Variants in ADCK2 observed in about 807,000 individuals in gnomAD.
The protein encoded by ADCK2 is uncharacterized aarF domain-containing protein kinase 2.
ADCK2 carries 37 observed loss-of-function variants against 52.3 expected under a neutral mutation model. The ratio of observed to expected loss-of-function variants is 0.71; its 90% CI spans 0.54 to 0.93. ADCK2 has a LOEUF of 0.93. ADCK2 is among the 40% of genes least tolerant of loss of function. The pLI, the probability that ADCK2 is intolerant of heterozygous loss-of-function variation, is 0.00. For synonymous variants in ADCK2, 321 were observed against 349.2 expected (o/e 0.92, Z 0.90); for missense variants, 695 against 798.7 (o/e 0.87, Z 1.56).
Position 140,676,363 on chromosome 7 carries a change from T to C in ADCK2, c.1080+1606T>C, listed in dbSNP as rs552033386. On this transcript the variant is annotated intron_variant, in intron 2 of 7. Transcript: ENST00000072869. Reference sequence around the variant, plus strand: ...GGCTTAGCATTTCAACAAAGGAATTTTGGGGGGACACAAACATTCATAGCT... The same window carrying C: ...GGCTTAGCATTTCAACAAAGGAATTCTGGGGGGACACAAACATTCATAGCT... 8.5e-5 allele frequency among the ~76,000 whole-genome samples: 13 copies of C among 152,308 alleles called. No individual in the cohort carries two copies. The South Asian group carries it at 2.5e-3, about 29-fold the overall frequency.
chr7:140,679,461 A>G (rs2968555), intron 3 of ADCK2, among the ~76,000 whole-genome samples, 178 bp downstream of exon 3: 40,484 of 151,756 alleles, frequency 0.27, 7,588 homozygotes, highest in African/African-American at 0.54. Flanking sequence ...GTAGCTGAGA[A>G]CACTGGGTGT....
intron 6 of ADCK2, among the ~76,000 whole-genome samples, chr7:140,690,405 G>A (rs996612635): frequency 6.6e-6 from 1 of 151,840 alleles, no homozygotes; most frequent in Non-Finnish European, 1.5e-5. Flanking sequence ...GTTTCACCAT[G>A]TTGGCCAGGC....
chr7:140,673,706 G>C lies in ADCK2; in HGVS notation c.376G>C (p.Val126Leu). Residue 126 changes from valine to leucine, a missense_variant, in exon 1 of 8, where the codon GTC becomes CTC. Val to Leu is a conservative substitution (Grantham distance 32). Coordinates refer to ENST00000072869, the MANE Select transcript of ADCK2 (RefSeq NM_052853.4). The surrounding 1 kb of genome is among the most constrained non-coding windows in gnomAD (Gnocchi z 6.4). ...CCCCCTCACCTACCTGGCTCCCAGC[G>C]TCTCCACCCTCTGGCTCCACCTGCT... ...LYPLTYLAPS[V>L]STLWLHLLLK... 1 of 1,611,140 alleles carries C rather than the reference G, an allele frequency of 6.2e-7. No homozygotes were observed. Among genetic ancestry groups the C allele is most frequent in the Non-Finnish European group, 8.5e-7 (1 of 1,179,520 alleles).
chr7:140,685,645 C>T (rs972077223), intron 4 of ADCK2, among the ~76,000 whole-genome samples: 2 of 152,052 alleles, frequency 1.3e-5, no homozygotes, highest in African/African-American at 4.8e-5. Flanking sequence ...TGGACTAGGA[C>T]AGTCCCTTCA....
In ADCK2 at chr7:140,693,114, GTATAA is replaced by G. The variant is rs537504772; in HGVS notation, c.1741-1544_1741-1540del. Among the ~76,000 whole-genome samples, 1 of 152,168 alleles carries G rather than the reference GTATAA, an allele frequency of 6.6e-6. No individual in the cohort carries two copies. The highest frequency in any genetic ancestry group is 2.4e-5 in the African/African-American group (1 of 41,442). Reference sequence around the variant, plus strand: ...CTTTTCATATGCCAATTGGCCATTTGTATAATATATCTTCCTTAGAAGAAATATCT... The same window carrying G: ...CTTTTCATATGCCAATTGGCCATTTGTATATCTTCCTTAGAAGAAATATCT... On this transcript the variant is annotated intron_variant, in intron 7 of 7. Coordinates refer to ENST00000072869, the MANE Select transcript of ADCK2 (RefSeq NM_052853.4). The surrounding 1 kb of genome is among the most constrained non-coding windows in gnomAD (Gnocchi z 4.0).
chr7:140,673,823 G>A lies in ADCK2; in HGVS notation c.493G>A (p.Ala165Thr). ...CGATCTGTTTTCGGAGGCTTTCTGT[G>A]CCCAATTTTCCAAGCTGCATGTCCG... is the stretch of plus-strand genomic sequence containing the variant. ...RRDLFSEAFCAQFSKLHVRVT... is the reference protein window; with the variant it reads ...RRDLFSEAFCTQFSKLHVRVT... Residue 165 changes from alanine (A) to threonine (T), a missense_variant, in exon 1 of 8, where the codon GCC (alanine) becomes ACC (threonine). Ala to Thr is a moderately conservative substitution (Grantham distance 58, BLOSUM62 0). Coordinates refer to ENST00000072869, the MANE Select transcript of ADCK2 (RefSeq NM_052853.4). This position sits in a 1 kb window ranked among gnomAD's most constrained non-coding sequence, Gnocchi z 6.4. 6.2e-7 allele frequency: 1 copy of A among 1,613,864 alleles called. No homozygotes were observed. The highest frequency in any genetic ancestry group is 8.5e-7 in the Non-Finnish European group (1 of 1,180,022).
In ADCK2 at chr7:140,687,142, G is replaced by A. The variant is rs762399180; in HGVS notation, c.1458G>A (p.Pro486=). 32 of 1,612,758 alleles carry A rather than the reference G, an allele frequency of 2.0e-5. No homozygotes were observed. Among genetic ancestry groups the A allele is most frequent in the Non-Finnish European group, 2.5e-5 (29 of 1,179,460 alleles). Residue 486 remains proline, a synonymous_variant, in exon 5 of 8, where the codon CCG becomes CCA. Transcript: ENST00000072869. ...TGGCCGTGCCATCTTCCCTCTGCCC[G>A]CTGCGACTGGTGCTGCTGGATGCTG... ...LVVAVPSSLC[P]LRLVLLDAGI...
rs1585848962 is a variant in ADCK2 at position 140,683,578 on chromosome 7, C to A, written c.1305+2441C>A. On this transcript the variant is annotated intron_variant, in intron 4 of 7. Coordinates refer to ENST00000072869, the MANE Select transcript of ADCK2 (RefSeq NM_052853.4). The stretch of plus-strand genomic sequence containing the variant: ...CCTAAGAATTCTTGGTTGGTTTTGT[C>A]TTTCCTGTGTCTACCAGCGAGGATT... Among the ~76,000 whole-genome samples, 4 of 152,284 alleles carry A rather than the reference C, an allele frequency of 2.6e-5. No individual in the cohort carries two copies. In the South Asian group the frequency reaches 8.3e-4, roughly 32 times the overall value.
intron 6 of ADCK2, 140 bp from the exon 7 acceptor site, chr7:140,690,620 C>T: frequency 3.1e-6 from 2 of 650,848 alleles, no homozygotes; most frequent in Non-Finnish European, 5.2e-6. Flanking sequence ...GTCAGATGGT[C>T]CCTTTTGTGC....
chr7:140,688,307 G>A lies in ADCK2; in HGVS notation c.1557+1066G>A, dbSNP rs570320986. Among the ~76,000 whole-genome samples, 20 of 152,198 alleles carry A rather than the reference G, an allele frequency of 1.3e-4. No homozygotes were observed. The South Asian group carries it at 3.9e-3, about 30-fold the overall frequency. On this transcript the variant is annotated intron_variant, in intron 5 of 7. Transcript: ENST00000072869. Reference sequence around the variant, plus strand: ...GATCCACCTGCCTCAGCCTCCCAAGGTGCTGGGATTACAGGTGTGAGCCAC... The same window carrying A: ...GATCCACCTGCCTCAGCCTCCCAAGATGCTGGGATTACAGGTGTGAGCCAC...
chr7:140,683,168 G>A (rs1400268981), intron 4 of ADCK2, among the ~76,000 whole-genome samples: 1 of 152,012 alleles, frequency 6.6e-6, no homozygotes, highest in African/African-American at 2.4e-5. Flanking sequence ...AGACGTGGTG[G>A]TGCATGCCTG....
chr7:140,693,961 G>A lies in ADCK2; in HGVS notation c.1741-702G>A, dbSNP rs186771420. 6.4e-3 allele frequency among the ~76,000 whole-genome samples: 977 copies of A among 151,958 alleles called. 9 individuals are homozygous for A. Among genetic ancestry groups the A allele is most frequent in the African/African-American group, 0.022 (921 of 41,438 alleles). ...CCTGACCTCATGATCCGCCCGCCTCGGTCTCCCAAAGGGCTGGGATTACAG... is the reference window on the plus strand; with the variant it reads ...CCTGACCTCATGATCCGCCCGCCTCAGTCTCCCAAAGGGCTGGGATTACAG... On this transcript the variant is annotated intron_variant, in intron 7 of 7. Coordinates refer to ENST00000072869, the MANE Select transcript of ADCK2 (RefSeq NM_052853.4). This position sits in a 1 kb window ranked among gnomAD's most constrained non-coding sequence, Gnocchi z 4.0.
At chr7:140,692,388 C>T (rs189439930) in intron 7 of ADCK2, among the ~76,000 whole-genome samples, 167 of 152,334 alleles carry the variant, frequency 1.1e-3, no homozygotes, top group African/African-American at 3.8e-3. Flanking sequence ...GACAGGGTCT[C>T]ACTGTGTCAC....
chr7:140,688,447 G>C (rs1344514543), intron 5 of ADCK2, among the ~76,000 whole-genome samples: 1 of 152,224 alleles, frequency 6.6e-6, no homozygotes, highest in Non-Finnish European at 1.5e-5. Flanking sequence ...GAGGCAGGAG[G>C]ACAGGAGGCG....
chr7:140,687,329 C>T, intron 5 of ADCK2, 88 bp downstream of exon 5: 1 of 1,457,788 alleles, frequency 6.9e-7, no homozygotes, highest in Non-Finnish European at 9.1e-7. Context: ...CCTGTAATCC[C>T]AGCACTTTGG....
chr7:140,689,637 C>T lies in ADCK2; in HGVS notation c.1598C>T (p.Ala533Val). 1 of 1,612,460 alleles carries T rather than the reference C, an allele frequency of 6.2e-7. No individual in the cohort carries two copies. The highest frequency in any genetic ancestry group is 2.2e-5 in the East Asian group (1 of 44,746). ...VAELILHHARASECRDVEGFK... is the reference protein window; with the variant it reads ...VAELILHHARVSECRDVEGFK... ...GAGCTGATCCTGCATCATGCCCGGG[C>T]CAGCGAGTGCAGGGACGTGGAGGGG... is the stretch of plus-strand genomic sequence containing the variant. The change falls in exon 6 of 8, where the codon GCC becomes GTC. Residue 533 changes from alanine to valine, a missense_variant. By Grantham distance (64) the Ala-to-Val change is moderately conservative (BLOSUM62 0). Transcript: ENST00000072869.
chr7:140,675,070 C>A (rs1794375193), intron 2 of ADCK2, among the ~76,000 whole-genome samples: 1 of 152,078 alleles, frequency 6.6e-6, no homozygotes, highest in African/African-American at 2.4e-5. Context: ...TGGTGTAACC[C>A]TGTCTCTACT....
At chr7:140,677,417 A>G (rs1794438428) in intron 2 of ADCK2, among the ~76,000 whole-genome samples, 1 of 152,124 alleles carries the variant, frequency 6.6e-6, no homozygotes, top group South Asian at 2.1e-4. Context: ...AAAAAAAAAA[A>G]AAAAGAAAGA....
chr7:140,674,878 G>A lies in ADCK2; in HGVS notation c.1080+121G>A, dbSNP rs1392795205. On this transcript the variant is annotated intron_variant, in intron 2 of 7. Transcript: ENST00000072869. The surrounding 1 kb of genome is among the most constrained non-coding windows in gnomAD (Gnocchi z 4.6). ...GTCATAACTCATGTGATGTGTTAGA[G>A]CTGGTAACACTAGCTGATAAAGAAC... The A allele has an allele frequency of 1.7e-5, 20 of 1,206,110 alleles. 2 individuals are homozygous for A. In the South Asian group the frequency reaches 3.1e-4, roughly 19 times the overall value. The allele number at this position is 1,206,110 out of a possible 1,614,324, so 74.7% of individuals were successfully genotyped here.
Sources: allele counts gnomAD v4.1 joint callset (sites outside exome capture counted in the v4.1 genomes callset), GRCh38; gene constraint gnomAD v4.1.1; non-coding constraint Gnocchi (gnomAD v3.1); transcripts MANE v1.5; gene names NCBI Gene and HGNC (gene_info 2026-07-23, HGNC 2026-07-21).